The following RPS6KC1 variants were observed in gnomAD, a reference collection of about 807,000 sequenced individuals.
The protein encoded by RPS6KC1 is ribosomal protein S6 kinase C1, also known as inactive ribosomal protein S6 kinase delta-1.
Under a neutral mutation model 103.8 loss-of-function variants are expected in RPS6KC1, and 54 were observed. The observed-to-expected ratio is 0.52, with a 90% CI of 0.42 to 0.65. The LOEUF (loss-of-function observed/expected upper bound fraction) is 0.65. Among genes scored for constraint, RPS6KC1 ranks in the 30% least tolerant of loss-of-function variants. The pLI is 0.00. For synonymous variants in RPS6KC1, 439 were observed against 438.7 expected, an observed-to-expected ratio of 1.00 and a Z score of -0.01; for missense variants, 1,151 against 1,253.8, an observed-to-expected ratio of 0.92 and a Z score of 1.24.
intron 8 of RPS6KC1, among the ~76,000 whole-genome samples, chr1:213,216,801 TA>T (rs2093676874): frequency 6.6e-6 from 1 of 152,048 alleles, no homozygotes; most frequent in African/African-American, 2.4e-5. Context: ...AAGGCAGAAA[TA>T]AAGATGTTCT....
the RPS6KC1 span, among the ~76,000 whole-genome samples, chr1:213,363,695 T>TTTCC: frequency 2.5e-5 from 2 of 80,910 alleles, no homozygotes; most frequent in South Asian, 3.3e-4. Flanking sequence ...TCTTTCTTTC[T>TTTCC]TTCTTTCCTT....
chr1:213,802,945 T>A, the RPS6KC1 span, among the ~76,000 whole-genome samples: 2,944 of 152,178 alleles, frequency 0.019, 89 homozygotes, highest in African/African-American at 0.063. Context: ...GTGGAAGGAA[T>A]TGTGGAAGAA....
chr1:213,360,951 G>A, the RPS6KC1 span, among the ~76,000 whole-genome samples: 2 of 152,222 alleles, frequency 1.3e-5, no homozygotes, highest in Non-Finnish European at 2.9e-5. Flanking sequence ...GGCTGCGTGA[G>A]GTGTCAGTCT....
the RPS6KC1 span, among the ~76,000 whole-genome samples, chr1:213,689,202 C>T: frequency 5.9e-5 from 9 of 152,208 alleles, no homozygotes; most frequent in Non-Finnish European, 1.2e-4. Context: ...AGAGCTGGGT[C>T]AACCCTTGCC....
chr1:213,767,129 G>A, the RPS6KC1 span, among the ~76,000 whole-genome samples: 6 of 152,120 alleles, frequency 3.9e-5, no homozygotes, highest in East Asian at 1.9e-4. Context: ...TTTCTCTGCC[G>A]CCTTTAGCTT....
chr1:213,172,554 A>C (rs1165604565), intron 7 of RPS6KC1, among the ~76,000 whole-genome samples: 3 of 152,212 alleles, frequency 2.0e-5, no homozygotes, highest in African/African-American at 7.2e-5. Context: ...TCGAGCTTGC[A>C]GTGAGCCGAG....
chr1:213,421,367 C>T, the RPS6KC1 span, among the ~76,000 whole-genome samples: 1 of 152,226 alleles, frequency 6.6e-6, no homozygotes, highest in South Asian at 2.1e-4. Flanking sequence ...CCCACCTTGG[C>T]CTCCCAAAGT....
At chr1:213,533,394 T>A in the RPS6KC1 span, among the ~76,000 whole-genome samples, 1 of 152,178 alleles carries the variant, frequency 6.6e-6, no homozygotes, top group Non-Finnish European at 1.5e-5. Flanking sequence ...GTCTTTCATG[T>A]GGGTTGCTAG....
the RPS6KC1 span, among the ~76,000 whole-genome samples, chr1:213,685,507 G>C: frequency 6.6e-6 from 1 of 152,042 alleles, no homozygotes; most frequent in South Asian, 2.1e-4. Flanking sequence ...GCAGGAGCCT[G>C]TAATCCCAGC....
chr1:213,345,173 T>C, the RPS6KC1 span, among the ~76,000 whole-genome samples: 1 of 152,208 alleles, frequency 6.6e-6, no homozygotes, highest in Non-Finnish European at 1.5e-5. Context: ...TATTGAAATA[T>C]AATCTACATT....
the RPS6KC1 span, among the ~76,000 whole-genome samples, chr1:213,631,077 G>A: frequency 6.6e-6 from 1 of 152,092 alleles, no homozygotes; most frequent in Non-Finnish European, 1.5e-5. Flanking sequence ...ATATTAGGGT[G>A]GGAGTGACCC....
chr1:213,521,530 C>G, the RPS6KC1 span, among the ~76,000 whole-genome samples: 1 of 152,088 alleles, frequency 6.6e-6, no homozygotes, highest in African/African-American at 2.4e-5. Context: ...ATTGATTCTT[C>G]CTTTCACAAA....
At chr1:213,271,754 A>C in intron 14 of RPS6KC1, among the ~76,000 whole-genome samples, 2 of 98,526 alleles carry the variant, frequency 2.0e-5, no homozygotes, top group African/African-American at 4.2e-5. Flanking sequence ...ACAGAGCGAA[A>C]CTCCGTCTCA....
chr1:213,339,676 C>A, the RPS6KC1 span, among the ~76,000 whole-genome samples: 1 of 152,228 alleles, frequency 6.6e-6, no homozygotes, highest in African/African-American at 2.4e-5. Flanking sequence ...AGAAGACAAG[C>A]AATCGTTATC....
the RPS6KC1 span, among the ~76,000 whole-genome samples, chr1:213,313,371 C>T: frequency 6.6e-6 from 1 of 151,608 alleles, no homozygotes; most frequent in Admixed American, 6.6e-5. Flanking sequence ...CCTAATAATA[C>T]AGAAGAATTG....
At chr1:213,610,623 T>G in the RPS6KC1 span, among the ~76,000 whole-genome samples, 1 of 152,210 alleles carries the variant, frequency 6.6e-6, no homozygotes, top group Non-Finnish European at 1.5e-5. Flanking sequence ...CTTGTGACCT[T>G]GAAGTTTATT....
chr1:213,449,389 C>T, the RPS6KC1 span, among the ~76,000 whole-genome samples: 1 of 152,216 alleles, frequency 6.6e-6, no homozygotes, highest in Non-Finnish European at 1.5e-5. Context: ...AGTCCAAGAT[C>T]AATGTGTTGG....
chr1:213,200,530 C>T (rs574901092), intron 8 of RPS6KC1, among the ~76,000 whole-genome samples: 4 of 152,102 alleles, frequency 2.6e-5, no homozygotes, highest in African/African-American at 9.7e-5. Context: ...ACTATAAAAA[C>T]CCTTGAAGAC....
At chr1:213,672,255 A>C in the RPS6KC1 span, among the ~76,000 whole-genome samples, 2 of 152,020 alleles carry the variant, frequency 1.3e-5, no homozygotes, top group African/African-American at 4.8e-5. Context: ...TCTTCTCCAC[A>C]CCCATATTTG....
Sources: allele counts gnomAD v4.1 joint callset (sites outside exome capture counted in the v4.1 genomes callset), GRCh38; gene constraint gnomAD v4.1.1; transcripts MANE v1.5; gene names NCBI Gene and HGNC (gene_info 2026-07-23, HGNC 2026-07-21).